APP: variants seen among roughly 807,000 people sequenced by gnomAD.
APP encodes the protein amyloid beta precursor protein.
In APP, 31 loss-of-function variants were observed where a neutral mutation model predicts 101.4. That is an observed-to-expected ratio of 0.31 (90% CI 0.23 to 0.41). APP has a LOEUF of 0.41. APP is among the 10% of genes least tolerant of loss of function. The probability of loss-of-function intolerance (pLI) is 1.00; values close to 1 mark genes in which losing one functional copy is unlikely to be tolerated. For synonymous variants in APP, 366 were observed against 364.4 expected (o/e 1.00, Z -0.05); for missense variants, 839 against 1,003.7 (o/e 0.84, Z 2.22).
intron 6 of APP, among the ~76,000 whole-genome samples, chr21:26,003,459 A>G (rs192344647): frequency 6.6e-6 from 1 of 152,364 alleles, no homozygotes; most frequent in East Asian, 1.9e-4. Context: ...GTGGAGTCCA[A>G]GTGGGCATCA....
intron 15 of APP, among the ~76,000 whole-genome samples, chr21:25,899,993 C>G (rs1049242624): frequency 1.3e-5 from 2 of 152,098 alleles, no homozygotes; most frequent in Non-Finnish European, 2.9e-5. Flanking sequence ...CTTCTTGCTA[C>G]GAGACCCACA....
intron 1 of APP, among the ~76,000 whole-genome samples, chr21:26,167,535 T>C (rs923155396): frequency 6.6e-6 from 1 of 152,234 alleles, no homozygotes; most frequent in Non-Finnish European, 1.5e-5. Context: ...ATTTCCAGAA[T>C]GACTGACAAC....
chr21:26,008,697 T>C (rs1397651870), intron 6 of APP, among the ~76,000 whole-genome samples: 1 of 152,096 alleles, frequency 6.6e-6, no homozygotes, highest in African/African-American at 2.4e-5. Context: ...TGACAGGAAA[T>C]AGGGGCACAA....
intron 1 of APP, among the ~76,000 whole-genome samples, chr21:26,125,431 T>C (rs2062662226): frequency 1.3e-5 from 2 of 152,166 alleles, no homozygotes; most frequent in Admixed American, 1.3e-4. Flanking sequence ...TTAAAAGAAA[T>C]TAAACATTTT....
intron 5 of APP, among the ~76,000 whole-genome samples, chr21:26,030,256 G>A (rs1312399747): frequency 6.6e-6 from 1 of 152,222 alleles, no homozygotes; most frequent in Admixed American, 6.5e-5. Flanking sequence ...TAAGAATTAA[G>A]GATGTAAGAT....
At chr21:26,134,207 CATGCCAATAATGG>C (rs1042683756) in intron 1 of APP, among the ~76,000 whole-genome samples, 109 of 152,282 alleles carry the variant, frequency 7.2e-4, no homozygotes, top group African/African-American at 2.6e-3. Context: ...AGGAATACTG[CATGCCAATAATGG>C]ATGCCAGCTG....
chr21:26,136,211 G>GAA (rs1569019141), intron 1 of APP, among the ~76,000 whole-genome samples: 2 of 135,768 alleles, frequency 1.5e-5, no homozygotes, highest in Non-Finnish European at 3.2e-5. Flanking sequence ...GAAAAGAAAA[G>GAA]AAAGAAAAGA....
chr21:25,982,417 T>C lies in APP; in HGVS notation c.1151A>G (p.Asp384Gly), dbSNP rs1215607746. The C allele has an allele frequency of 6.2e-7, 1 of 1,613,518 alleles. No homozygotes were observed. Among genetic ancestry groups the C allele is most frequent in the South Asian group, 1.1e-5 (1 of 91,042 alleles). The change falls in exon 9 of 18, where the codon GAT becomes GGT. Residue 384 changes from aspartate (D) to glycine (G), a missense_variant. Coordinates refer to ENST00000346798, the MANE Select transcript of APP (RefSeq NM_000484.4). ...CTGGAAATGGGCATGTTCATTCTCATCCCCAGGTGTCTCGAGATACTTGTC... is the reference window on the plus strand; with the variant it reads ...CTGGAAATGGGCATGTTCATTCTCACCCCCAGGTGTCTCGAGATACTTGTC... ...AVDKYLETPG[D>G]ENEHAHFQKA... is the part of the protein sequence containing the mutation.
At chr21:25,937,566 T>A (rs1037347256) in intron 13 of APP, among the ~76,000 whole-genome samples, 2 of 152,204 alleles carry the variant, frequency 1.3e-5, no homozygotes, top group Non-Finnish European at 2.9e-5. Flanking sequence ...CACTTTGGAT[T>A]TGAAGAGAGC....
At chr21:25,971,265 C>T (rs112207011) in intron 11 of APP, among the ~76,000 whole-genome samples, 1 of 152,252 alleles carries the variant, frequency 6.6e-6, no homozygotes, top group African/African-American at 2.4e-5. Flanking sequence ...CCAGGATGGT[C>T]TTGATCTCTT....
chr21:26,035,470 G>A (rs2045063014), intron 5 of APP, among the ~76,000 whole-genome samples: 2 of 152,148 alleles, frequency 1.3e-5, no homozygotes, highest in South Asian at 4.1e-4. Flanking sequence ...GAGGTAGGGA[G>A]GAGCTGGGTC....
chr21:25,895,960 G>A (rs534301347), intron 16 of APP, among the ~76,000 whole-genome samples: 44 of 152,164 alleles, frequency 2.9e-4, no homozygotes, highest in African/African-American at 9.6e-4. Flanking sequence ...AATTGCTGCC[G>A]CTGCCATTAG....
intron 3 of APP, among the ~76,000 whole-genome samples, chr21:26,056,329 C>A (rs552946745): frequency 2.0e-4 from 30 of 152,180 alleles, no homozygotes; most frequent in African/African-American, 6.8e-4. Flanking sequence ...TGAGCCACCA[C>A]GACCAGCCAG....
In APP at chr21:25,987,793, C is replaced by G. The variant is rs893496598; in HGVS notation, c.1091-5316G>C. 4.6e-5 allele frequency among the ~76,000 whole-genome samples: 7 copies of G among 152,280 alleles called. No individual in the cohort carries two copies. In the South Asian group the frequency reaches 1.4e-3, roughly 32 times the overall value. ...CCTGCCTTTAGTGCGCCTGTTCATT[C>G]TTTTATTCCTCCAGCCCACCAACAT... On this transcript the variant is annotated intron_variant, in intron 8 of 17. Coordinates refer to ENST00000346798, the MANE Select transcript of APP (RefSeq NM_000484.4).
At chr21:25,945,088 A>G (rs549182255) in intron 13 of APP, among the ~76,000 whole-genome samples, 1 of 152,308 alleles carries the variant, frequency 6.6e-6, no homozygotes, top group South Asian at 2.1e-4. Flanking sequence ...CACAAAAATA[A>G]AAGAATGGCA....
At chr21:26,009,366 C>T (rs892149101) in intron 6 of APP, among the ~76,000 whole-genome samples, 11 of 152,136 alleles carry the variant, frequency 7.2e-5, no homozygotes, top group Admixed American at 1.3e-4. Flanking sequence ...AACATTAAAA[C>T]AGCTTCGATA....
intron 8 of APP, among the ~76,000 whole-genome samples, chr21:25,985,647 G>A (rs1003318324): frequency 6.6e-6 from 1 of 152,102 alleles, no homozygotes; most frequent in Non-Finnish European, 1.5e-5. Flanking sequence ...TGTTGTGTGA[G>A]TCAATTCTGC....
chr21:26,078,745 T>A (rs1184473690), intron 3 of APP, among the ~76,000 whole-genome samples: 1 of 152,000 alleles, frequency 6.6e-6, no homozygotes, highest in Non-Finnish European at 1.5e-5. Flanking sequence ...CTTGAATGGT[T>A]AAAAAAAACA....
chr21:25,937,069 TCTTTA>T (rs2040394700), intron 13 of APP, among the ~76,000 whole-genome samples: 1 of 152,252 alleles, frequency 6.6e-6, no homozygotes, highest in East Asian at 1.9e-4. Flanking sequence ...CTTTTCTTTT[TCTTTA>T]CTTGACCATT....
Sources: gnomAD v4.1 joint callset for allele counts (sites outside exome capture counted in the v4.1 genomes callset) on GRCh38, gnomAD v4.1.1 for gene constraint, MANE v1.5 for transcripts, NCBI Gene and HGNC (gene_info 2026-07-23, HGNC 2026-07-21) for gene names.